The following GLRB variants were observed in gnomAD, a reference collection of about 807,000 sequenced individuals.
GLRB encodes glycine receptor beta.
Under a neutral mutation model 54.2 loss-of-function variants are expected in GLRB, and 33 were observed. The ratio of observed to expected loss-of-function variants is 0.61; its 90% CI spans 0.46 to 0.81. The LOEUF is 0.81. Among genes scored for constraint, GLRB ranks in the 40% least tolerant of loss-of-function variants. The pLI is 0.00. For synonymous variants in GLRB, 209 were observed against 208.2 expected (o/e 1.00, Z -0.03); for missense variants, 572 against 584.6 (o/e 0.98, Z 0.22).
chr4:157,078,240 C>T, intron 2 of GLRB, 94 bp downstream of exon 2: 1 of 1,574,792 alleles, frequency 6.4e-7, no homozygotes, highest in Non-Finnish European at 8.6e-7. Flanking sequence ...ATCAACAAAA[C>T]TTTTCATATC....
At chr4:157,094,147 T>C (rs1734720701) in intron 2 of GLRB, among the ~76,000 whole-genome samples, 1 of 149,870 alleles carries the variant, frequency 6.7e-6, no homozygotes, top group African/African-American at 2.4e-5. Context: ...TTAATAAATG[T>C]TCACCTTGGT....
chr4:157,129,664 G>A (rs1439439595), intron 4 of GLRB, among the ~76,000 whole-genome samples: 1 of 151,702 alleles, frequency 6.6e-6, no homozygotes, highest in African/African-American at 2.4e-5. Context: ...CAGTGAAGTA[G>A]GCAATTTCCA....
At position 157,170,535 on chromosome 4, in the gene GLRB, A is replaced by G. The variant is rs760093314; in HGVS notation, c.1301A>G (p.Asn434Ser). The change falls in exon 10 of 10, where the codon AAT becomes AGT. Residue 434 changes from asparagine (N) to serine (S), a missense_variant. Asn to Ser is a conservative substitution (Grantham distance 46). Transcript: ENST00000264428. Reference protein sequence around the residue: ...GSLPRDFELSNYDCYGKPIEV... With the variant: ...GSLPRDFELSSYDCYGKPIEV... ...TTACCAAGAGATTTTGAACTATCCAATTATGACTGCTATGGAAAACCCATT... is the reference window on the plus strand; with the variant it reads ...TTACCAAGAGATTTTGAACTATCCAGTTATGACTGCTATGGAAAACCCATT... 7 of 1,612,438 alleles carry G rather than the reference A, an allele frequency of 4.3e-6. No individual in the cohort carries two copies. The highest frequency in any genetic ancestry group is 1.1e-5 in the South Asian group (1 of 91,038).
In GLRB at chr4:157,136,607, G is replaced by A. The variant is rs374744833; in HGVS notation, c.436G>A (p.Ala146Thr). 11 of 1,612,570 alleles carry A rather than the reference G, an allele frequency of 6.8e-6. No individual in the cohort carries two copies. The African/African-American group carries it at 1.2e-4, about 18-fold the overall frequency. ...TTTATGGAAACCTGATTTATTTTTT[G>A]CAAATGAAAAAAGTGCCAATTTTCA... ...KCLWKPDLFF[A>T]NEKSANFHDV... is the part of the protein sequence containing the mutation. Residue 146 changes from alanine to threonine, a missense_variant, in exon 5 of 10, where the codon GCA (alanine) becomes ACA (threonine). Ala to Thr is a moderately conservative substitution (Grantham distance 58, BLOSUM62 0). Transcript: ENST00000264428.
At chr4:157,143,665 C>A in intron 7 of GLRB, 142 bp from the exon 8 acceptor site, 1 of 797,174 alleles carries the variant, frequency 1.3e-6, no homozygotes, top group Non-Finnish European at 2.0e-6. Flanking sequence ...TATATATCTG[C>A]AAAGAAAAAC....
chr4:157,165,442 G>A (rs1737669522), intron 9 of GLRB, among the ~76,000 whole-genome samples: 1 of 151,822 alleles, frequency 6.6e-6, no homozygotes. Flanking sequence ...TAACAGAAGT[G>A]TAATATAATT....
chr4:157,138,941 A>T lies in GLRB; in HGVS notation c.743A>T (p.Lys248Ile), dbSNP rs1736512497. 2.1e-6 allele frequency: 3 copies of T among 1,421,722 alleles called. No homozygotes were observed. Among genetic ancestry groups the T allele is most frequent in the Non-Finnish European group, 3.0e-6 (3 of 1,006,358 alleles). 88.1% of individuals were successfully genotyped at this position (1,421,722 alleles called of 1,614,324 possible). The change falls in exon 7 of 10, where the codon AAA (lysine) becomes ATA (isoleucine). Residue 248 changes from lysine (K) to isoleucine (I), a missense_variant. Transcript: ENST00000264428. ...TATGGTAACTGTACAAAATACTATA[A>T]AGGCACGGGTAAGTAATATTCTTTA... ...IEYGNCTKYY[K>I]GTGYYTCVEV...
chr4:157,101,469 T>A (rs62330458), intron 2 of GLRB, among the ~76,000 whole-genome samples: 21,948 of 151,960 alleles, frequency 0.14, 1,736 homozygotes, highest in East Asian at 0.28. Flanking sequence ...TATGACTCAA[T>A]CTTCCACTAA....
chr4:157,103,577 A>G (rs1735115809), intron 2 of GLRB, among the ~76,000 whole-genome samples: 2 of 152,176 alleles, frequency 1.3e-5, no homozygotes, highest in African/African-American at 4.8e-5. Context: ...AAAATTTTCT[A>G]TATGAATTTC....
In GLRB at chr4:157,153,119, G is replaced by A. The variant is rs1737090632; in HGVS notation, c.1197+109G>A. On this transcript the variant is annotated intron_variant, in intron 9 of 9. Coordinates refer to ENST00000264428, the MANE Select transcript of GLRB (RefSeq NM_000824.5). Reference sequence around the variant, plus strand: ...GTTTTGATGGAATTGGCATTTGCTTGTTTTTCTCTCACAGATGAAAACAAA... The same window carrying A: ...GTTTTGATGGAATTGGCATTTGCTTATTTTTCTCTCACAGATGAAAACAAA... 4 of 988,484 alleles carry A rather than the reference G, an allele frequency of 4.0e-6. No individual in the cohort carries two copies. The East Asian group carries it at 7.6e-5, about 19-fold the overall frequency. The allele number at this position is 988,484 out of a possible 1,614,324, so 61.2% of individuals were successfully genotyped here.
intron 3 of GLRB, 84 bp downstream of exon 3, chr4:157,120,746 A>G (rs1735787267): frequency 1.0e-5 from 7 of 672,820 alleles, no homozygotes; most frequent in Non-Finnish European, 1.6e-5. Context: ...TTTTATATGT[A>G]TATGCTTTGT....
chr4:157,077,967 T>C (rs1467402345), intron 1 of GLRB, 29 bp from the exon 2 acceptor site: 1 of 1,472,546 alleles, frequency 6.8e-7, no homozygotes, highest in South Asian at 1.2e-5. Context: ...TCTTCATAAA[T>C]GTAAACATTT....
intron 1 of GLRB, 44 bp from the exon 2 acceptor site, chr4:157,077,949 TATC>T: frequency 7.8e-7 from 1 of 1,277,648 alleles, no homozygotes; most frequent in Non-Finnish European, 1.1e-6. Context: ...GTCATATAGT[TATC>T]ATTTTCTTCA....
At chr4:157,147,588 A>G (rs935968020) in intron 8 of GLRB, among the ~76,000 whole-genome samples, 4 of 152,222 alleles carry the variant, frequency 2.6e-5, no homozygotes, top group African/African-American at 9.6e-5. Context: ...TCATTTTTTA[A>G]AGGTAGATGA....
rs76425613 is a variant in GLRB at position 157,088,217 on chromosome 4, G to A, written c.122+10071G>A. ...TGCTGAGAATAACCTAATACAAAAG[G>A]CTTACCTATTAATGAGTGGATGTGT... is the stretch of plus-strand genomic sequence containing the variant. On this transcript the variant is annotated intron_variant, in intron 2 of 9. Transcript: ENST00000264428. Among the ~76,000 whole-genome samples, 1,185 of 152,128 alleles carry A rather than the reference G, an allele frequency of 7.8e-3. 21 individuals carry two copies. The East Asian group carries it at 0.1, about 13-fold the overall frequency.
rs191849964 is a variant in GLRB at position 157,162,864 on chromosome 4, G to C, written c.1198-7568G>C. On this transcript the variant is annotated intron_variant, in intron 9 of 9. Coordinates refer to ENST00000264428, the MANE Select transcript of GLRB (RefSeq NM_000824.5). Reference sequence around the variant, plus strand: ...GAGAACCACTACTCTCTTCAAAGCTGTCAGACAGGGACATTTTAAGTCTGC... The same window carrying C: ...GAGAACCACTACTCTCTTCAAAGCTCTCAGACAGGGACATTTTAAGTCTGC... 1.3e-4 allele frequency among the ~76,000 whole-genome samples: 20 copies of C among 152,326 alleles called. No individual in the cohort carries two copies. The East Asian group carries it at 2.9e-3, about 22-fold the overall frequency.
chr4:157,090,464 C>T (rs1011978357), intron 2 of GLRB, among the ~76,000 whole-genome samples: 12 of 152,072 alleles, frequency 7.9e-5, no homozygotes, highest in African/African-American at 2.7e-4. Context: ...GGTTGAAGTA[C>T]GTGAAGACAT....
intron 2 of GLRB, among the ~76,000 whole-genome samples, chr4:157,099,733 A>G (rs1560941240): frequency 1.3e-5 from 2 of 152,188 alleles, no homozygotes; most frequent in African/African-American, 4.8e-5. Context: ...CATAGGATAT[A>G]TGTTTGTTGA....
At chr4:157,076,474 G>A (rs974859089) in intron 1 of GLRB, 177 bp downstream of exon 1, 2 of 151,214 alleles carry the variant, frequency 1.3e-5, no homozygotes, top group African/African-American at 4.9e-5. Flanking sequence ...GGAGAGGGGC[G>A]CGGGGCGCCT....
Sources: allele counts gnomAD v4.1 joint callset (sites outside exome capture counted in the v4.1 genomes callset), GRCh38; gene constraint gnomAD v4.1.1; transcripts MANE v1.5; gene names NCBI Gene and HGNC (gene_info 2026-07-23, HGNC 2026-07-21).